REPS1: variants seen among roughly 807,000 people sequenced by gnomAD.
The protein encoded by REPS1 is ralBP1-associated Eps domain-containing protein 1.
Under a neutral mutation model 100.9 loss-of-function variants are expected in REPS1, and 39 were observed. The ratio of observed to expected loss-of-function variants is 0.39; its 90% CI spans 0.30 to 0.50. The LOEUF (loss-of-function observed/expected upper bound fraction) is 0.50. Among genes scored for constraint, REPS1 ranks in the 20% least tolerant of loss-of-function variants. The pLI is 0.86. For missense variants in REPS1, 821 were observed against 968.5 expected, an observed-to-expected ratio of 0.85 and a Z score of 2.02; for synonymous variants, 324 against 340.3, an observed-to-expected ratio of 0.95 and a Z score of 0.53.
intron 8 of REPS1, among the ~76,000 whole-genome samples, chr6:138,940,242 T>C (rs1188882): frequency 0.36 from 55,464 of 152,142 alleles, 11,940 homozygotes; most frequent in Admixed American, 0.51. Flanking sequence ...TAAATGCCCA[T>C]TTGAGACCCA....
intron 1 of REPS1, among the ~76,000 whole-genome samples, chr6:138,981,066 T>C (rs1296150684): frequency 2.0e-5 from 3 of 152,198 alleles, no homozygotes; most frequent in Non-Finnish European, 2.9e-5. Flanking sequence ...TGAGCTTGAC[T>C]CAATTAGGGG....
At chr6:138,963,493 G>A (rs147163452) in intron 1 of REPS1, among the ~76,000 whole-genome samples, 3 of 152,182 alleles carry the variant, frequency 2.0e-5, no homozygotes, top group East Asian at 3.9e-4. Context: ...CTGATTTACC[G>A]AATTCACTGT....
At chr6:138,955,515 A>G (rs1384599958) in intron 1 of REPS1, among the ~76,000 whole-genome samples, 1 of 149,366 alleles carries the variant, frequency 6.7e-6, no homozygotes, top group Non-Finnish European at 1.5e-5. Context: ...ACTAAAAACT[A>G]TGAGTGACTA....
chr6:138,978,512 G>C lies in REPS1; in HGVS notation c.153+9018C>G, dbSNP rs559891929. On this transcript the variant is annotated intron_variant, in intron 1 of 19. Coordinates refer to ENST00000450536, the MANE Select transcript of REPS1 (RefSeq NM_001286611.2). The stretch of plus-strand genomic sequence containing the variant: ...TTTTTACAGGCAGGGGTCTCCCTAT[G>C]TTGCCCAGACTGGTCTCAAACTCCC... Among the ~76,000 whole-genome samples, 459 of 150,684 alleles carry C rather than the reference G, an allele frequency of 3.0e-3. 2 individuals are homozygous for C. The highest frequency in any genetic ancestry group is 4.2e-3 in the Non-Finnish European group (287 of 67,762).
chr6:138,966,505 C>G (rs991006693), intron 1 of REPS1, among the ~76,000 whole-genome samples: 3 of 152,128 alleles, frequency 2.0e-5, no homozygotes, highest in Non-Finnish European at 4.4e-5. Flanking sequence ...ACCTAATCAT[C>G]CTAACAACCC....
In REPS1 at chr6:138,911,368, C is replaced by T; in HGVS notation, c.1975G>A (p.Glu659Lys). 6.2e-7 allele frequency: 1 copy of T among 1,607,548 alleles called. No individual in the cohort carries two copies. The highest frequency in any genetic ancestry group is 1.1e-5 in the South Asian group (1 of 90,784). ...GAACTTGCAGGATCAGAAGCTTTTT[C>T]AGCCTAAAAATGAATATGTTTATCA... The part of the protein sequence containing the change: ...AEKHPEVLPA[E>K]KASDPASSLR... Residue 659 changes from glutamate (E) to lysine (K), a missense_variant, in exon 17 of 20, where the codon GAA becomes AAA. By Grantham distance (56) the Glu-to-Lys change is moderately conservative. Transcript: ENST00000450536.
At chr6:138,938,127 A>T (rs917926467) in intron 8 of REPS1, among the ~76,000 whole-genome samples, 1 of 152,186 alleles carries the variant, frequency 6.6e-6, no homozygotes, top group Non-Finnish European at 1.5e-5. Flanking sequence ...ACAAAAATCA[A>T]GTCTCCCTTT....
chr6:138,982,583 G>T (rs1785014428), intron 1 of REPS1, among the ~76,000 whole-genome samples: 1 of 152,190 alleles, frequency 6.6e-6, no homozygotes, highest in African/African-American at 2.4e-5. Context: ...GGGAAAAGCT[G>T]ACTTTTAAGC....
chr6:138,959,254 C>T (rs1274660688), intron 1 of REPS1, among the ~76,000 whole-genome samples: 2 of 152,030 alleles, frequency 1.3e-5, no homozygotes, highest in Non-Finnish European at 1.5e-5. Flanking sequence ...CTGCAGGGAA[C>T]GCTAAGAACA....
At chr6:138,983,270 G>A (rs536280739) in intron 1 of REPS1, among the ~76,000 whole-genome samples, 11 of 152,220 alleles carry the variant, frequency 7.2e-5, no homozygotes, top group Admixed American at 1.3e-4. Context: ...TGGCCAATAT[G>A]GTGAAACCCC....
intron 6 of REPS1, 29 bp from the exon 7 acceptor site, chr6:138,943,605 G>A (rs770693723): frequency 3.4e-6 from 5 of 1,487,162 alleles, no homozygotes; most frequent in East Asian, 4.5e-5. Flanking sequence ...GTTGTTTAAT[G>A]TTATTCTGAA....
intron 18 of REPS1, 48 bp downstream of exon 18, chr6:138,908,620 G>A (rs755257144): frequency 8.8e-6 from 14 of 1,599,032 alleles, no homozygotes; most frequent in Admixed American, 3.4e-5. Flanking sequence ...TAATTGTCGT[G>A]CTTTTTCTTC....
intron 7 of REPS1, among the ~76,000 whole-genome samples, chr6:138,942,048 T>C (rs1394241781): frequency 6.6e-6 from 1 of 152,144 alleles, no homozygotes; most frequent in Admixed American, 6.5e-5. Flanking sequence ...CTGGCTAATT[T>C]TGGCCAGGCT....
intron 8 of REPS1, among the ~76,000 whole-genome samples, chr6:138,930,385 T>A (rs1298037660): frequency 6.6e-6 from 1 of 152,194 alleles, no homozygotes; most frequent in African/African-American, 2.4e-5. Flanking sequence ...TTTAAAATAA[T>A]TTTCTGATAA....
At chr6:138,924,067 A>G (rs548700080) in intron 10 of REPS1, among the ~76,000 whole-genome samples, 2 of 152,314 alleles carry the variant, frequency 1.3e-5, no homozygotes, top group South Asian at 4.1e-4. Flanking sequence ...TCAGGTAAGT[A>G]TCAAATGAAG....
At chr6:138,967,111 C>T (rs981887097) in intron 1 of REPS1, among the ~76,000 whole-genome samples, 9 of 152,338 alleles carry the variant, frequency 5.9e-5, no homozygotes, top group African/African-American at 2.2e-4. Flanking sequence ...CCCGCTCCTG[C>T]GCATGCAATT....
At chr6:138,907,686 CATG>C in intron 18 of REPS1, 86 bp from the exon 19 acceptor site, 1 of 841,702 alleles carries the variant, frequency 1.2e-6, no homozygotes, top group South Asian at 1.5e-5. Context: ...TATTTCTAAA[CATG>C]AGAAGCAAAA....
intron 1 of REPS1, among the ~76,000 whole-genome samples, chr6:138,983,927 TTTA>T (rs1271151935): frequency 6.6e-6 from 1 of 152,202 alleles, no homozygotes; most frequent in Non-Finnish European, 1.5e-5. Flanking sequence ...CATTGTCTCT[TTTA>T]AAAAGTAAGC....
At chr6:138,939,414 A>G (rs1030645042) in intron 8 of REPS1, among the ~76,000 whole-genome samples, 20 of 152,226 alleles carry the variant, frequency 1.3e-4, no homozygotes, top group African/African-American at 4.6e-4. Flanking sequence ...AAAAAGATAA[A>G]TGCCCAGAAA....
Sources: allele counts gnomAD v4.1 joint callset (sites outside exome capture counted in the v4.1 genomes callset), GRCh38; gene constraint gnomAD v4.1.1; transcripts MANE v1.5; gene names NCBI Gene and HGNC (gene_info 2026-07-23, HGNC 2026-07-21).